Variants in RECQL observed in about 807,000 individuals in gnomAD.
RECQL encodes ATP-dependent DNA helicase Q1.
RECQL carries 73 observed loss-of-function variants against 75.8 expected under a neutral mutation model. That is an observed-to-expected ratio of 0.96 (90% CI 0.80 to 1.17). RECQL has a LOEUF of 1.17. RECQL is among the 50% of genes most tolerant of loss of function. The pLI is 0.00. For synonymous variants in RECQL, 248 were observed against 254.4 expected (o/e 0.97, Z 0.24); for missense variants, 699 against 772.1 (o/e 0.91, Z 1.12).
At position 21,491,637 on chromosome 12, in the gene RECQL, T is replaced by C. The variant is rs142922401; in HGVS notation, c.96A>G (p.Gln32=). The change falls in exon 3 of 15, where the codon CAA becomes CAG. Residue 32 remains glutamine (Q), a synonymous_variant. Transcript: ENST00000444129. Reference sequence around the variant, plus strand: ...CTTTTTTTTTCTGAATAAGCTCTTGTTGCCTTTCCGTAAGTTCTTGAATTT... The same window carrying C: ...CTTTTTTTTTCTGAATAAGCTCTTGCTGCCTTTCCGTAAGTTCTTGAATTT... The part of the protein sequence containing the change: ...EIQIQELTER[Q]QELIQKKKVL... 1.2e-6 allele frequency: 2 copies of C among 1,613,996 alleles called. No individual in the cohort carries two copies. Among genetic ancestry groups the C allele is most frequent in the Admixed American group, 1.7e-5 (1 of 60,014 alleles).
intron 11 of RECQL, 45 bp downstream of exon 11, chr12:21,474,796 T>A (rs1197432236): frequency 6.4e-7 from 1 of 1,568,110 alleles, no homozygotes; most frequent in African/African-American, 1.4e-5. Flanking sequence ...TATACTTTCA[T>A]ATTTGCTTTA....
intron 8 of RECQL, among the ~76,000 whole-genome samples, chr12:21,476,467 A>G (rs986907103): frequency 6.6e-6 from 1 of 151,986 alleles, no homozygotes; most frequent in African/African-American, 2.4e-5. Flanking sequence ...ATGTATATAT[A>G]CTCACAACTC....
intron 3 of RECQL, 131 bp from the exon 4 acceptor site, chr12:21,490,509 T>C: frequency 1.7e-6 from 1 of 586,448 alleles, no homozygotes; most frequent in Non-Finnish European, 2.9e-6. Context: ...AGTTTTGAGA[T>C]TAACTCACTA....
chr12:21,472,089 C>G (rs1348260999), intron 12 of RECQL, among the ~76,000 whole-genome samples: 1 of 152,018 alleles, frequency 6.6e-6, no homozygotes, highest in Non-Finnish European at 1.5e-5. Flanking sequence ...ATATAACACT[C>G]TTGTTATTTT....
chr12:21,469,893 A>G lies in RECQL; in HGVS notation c.*301T>C, dbSNP rs955405976. The G allele has an allele frequency of 4.6e-6, 1 of 216,680 alleles. No homozygotes were observed. Among genetic ancestry groups the G allele is most frequent in the Non-Finnish European group, 9.1e-6 (1 of 109,962 alleles). 13.4% of individuals were successfully genotyped at this position (216,680 alleles called of 1,614,324 possible). ...TTATGTCAAAAGAAAAAATATAGCT[A>G]AGTATATAAAGGCATAAAAAACTTA... On this transcript the variant is annotated 3_prime_UTR_variant, in exon 15 of 15. Transcript: ENST00000444129.
chr12:21,493,643 C>A (rs1347927656), intron 2 of RECQL, among the ~76,000 whole-genome samples: 7 of 152,186 alleles, frequency 4.6e-5, no homozygotes, highest in African/African-American at 1.7e-4. Flanking sequence ...TGGAGGGGAA[C>A]ATAAGGGCAG....
intron 6 of RECQL, among the ~76,000 whole-genome samples, chr12:21,478,664 G>C (rs778382752): frequency 6.6e-6 from 1 of 152,200 alleles, no homozygotes; most frequent in African/African-American, 2.4e-5. Flanking sequence ...AAGTCACAGA[G>C]TCTTGTGGTG....
intron 13 of RECQL, 82 bp downstream of exon 13, chr12:21,471,346 G>T (rs1942955175): frequency 7.7e-7 from 1 of 1,296,812 alleles, no homozygotes; most frequent in Non-Finnish European, 1.1e-6. Flanking sequence ...CAAAATAACT[G>T]CAAAACCGTT....
intron 7 of RECQL, 27 bp from the exon 8 acceptor site, chr12:21,477,019 G>T: frequency 1.3e-6 from 2 of 1,518,846 alleles, no homozygotes; most frequent in Non-Finnish European, 1.8e-6. Context: ...TTATTAAAAA[G>T]TAAATGAATG....
intron 4 of RECQL, among the ~76,000 whole-genome samples, 188 bp downstream of exon 4, chr12:21,490,011 C>G (rs1479245611): frequency 6.6e-6 from 1 of 151,816 alleles, no homozygotes; most frequent in Non-Finnish European, 1.5e-5. Context: ...ACCCCTGAAT[C>G]TAAAATAAAA....
intron 6 of RECQL, 66 bp downstream of exon 6, chr12:21,483,310 T>C: frequency 9.9e-7 from 1 of 1,012,830 alleles, no homozygotes; most frequent in Admixed American, 2.3e-5. Flanking sequence ...GAGATTTCCA[T>C]CATGCCAAGC....
At chr12:21,487,645 T>C (rs927594690) in intron 4 of RECQL, among the ~76,000 whole-genome samples, 1 of 152,180 alleles carries the variant, frequency 6.6e-6, no homozygotes, top group Non-Finnish European at 1.5e-5. Context: ...TACTAGCACC[T>C]ACTCATTACA....
rs371380664 is a variant in RECQL, at chr12:21,474,864, T to A, written c.1332A>T (p.Val444=). The change falls in exon 11 of 15, where the codon GTA becomes GTT. Residue 444 remains valine (V), a synonymous_variant. Transcript: ENST00000444129. ...ACTTGCTTATGTTTTGACAGTATGATACCATCTCATAAAGCTTCTGCTGTC... is the reference window on the plus strand; with the variant it reads ...ACTTGCTTATGTTTTGACAGTATGAAACCATCTCATAAAGCTTCTGCTGTC... ...NVGQQKLYEM[V]SYCQNISKCR... is the part of the protein sequence containing the mutation. 1.9e-6 allele frequency: 3 copies of A among 1,612,784 alleles called. No homozygotes were observed. In the African/African-American group the frequency reaches 4.0e-5, roughly 22 times the overall value.
At chr12:21,476,827 G>C (rs757905490) in intron 8 of RECQL, 84 bp downstream of exon 8, 13 of 728,446 alleles carry the variant, frequency 1.8e-5, no homozygotes, top group East Asian at 3.0e-5. Flanking sequence ...GTGTTATTCA[G>C]TTATCAGTAT....
At chr12:21,484,764 T>C (rs1462545819) in intron 5 of RECQL, among the ~76,000 whole-genome samples, 1 of 151,800 alleles carries the variant, frequency 6.6e-6, no homozygotes, top group Non-Finnish European at 1.5e-5. Flanking sequence ...GATATATATA[T>C]ATATATGATT....
chr12:21,493,915 A>G (rs1304107676), intron 2 of RECQL, among the ~76,000 whole-genome samples: 3 of 152,232 alleles, frequency 2.0e-5, no homozygotes, highest in Non-Finnish European at 4.4e-5. Context: ...GTGCCAAAAT[A>G]TATCAATAGA....
At chr12:21,497,766 A>C (rs762682734) in intron 2 of RECQL, among the ~76,000 whole-genome samples, 10 of 152,350 alleles carry the variant, frequency 6.6e-5, no homozygotes, top group Non-Finnish European at 1.0e-4. Context: ...AGTCAAGAAC[A>C]AAGTGCCTTC....
In RECQL at chr12:21,471,552, GT is replaced by G. The variant is rs1186521483; in HGVS notation, c.1542del (p.Lys514AsnfsTer2). On this transcript the variant is annotated frameshift_variant, in exon 13 of 15. Coordinates refer to ENST00000444129, the MANE Select transcript of RECQL (RefSeq NM_002907.4). LOFTEE classifies it high-confidence loss of function. ...CCCTTTCCCATCCAAGAATCAATCA[GT>G]TTCAATGGAGTGAGTTTTTCATTCA... ...EELNEKLTPL[K>X]LIDSWMGKGA... is the part of the protein sequence containing the mutation. 1.9e-6 allele frequency: 3 copies of G among 1,612,692 alleles called. No individual in the cohort carries two copies. The South Asian group carries it at 3.3e-5, about 18-fold the overall frequency.
chr12:21,476,475 C>T (rs1365941931), intron 8 of RECQL, among the ~76,000 whole-genome samples: 5 of 152,082 alleles, frequency 3.3e-5, no homozygotes, highest in African/African-American at 4.8e-5. Flanking sequence ...ATACTCACAA[C>T]TCGATCTGTG....
Sources: gnomAD v4.1 joint callset for allele counts (sites outside exome capture counted in the v4.1 genomes callset) on GRCh38, gnomAD v4.1.1 for gene constraint, MANE v1.5 for transcripts, NCBI Gene and HGNC (gene_info 2026-07-23, HGNC 2026-07-21) for gene names.